The following ZMAT3 variants were observed in gnomAD, a reference collection of about 807,000 sequenced individuals.
ZMAT3 encodes the protein zinc finger matrin-type protein 3.
Under a neutral mutation model 32.3 loss-of-function variants are expected in ZMAT3, and 17 were observed. The ratio of observed to expected loss-of-function variants is 0.53; its 90% CI spans 0.36 to 0.79. The LOEUF (loss-of-function observed/expected upper bound fraction) is 0.79. Among genes scored for constraint, ZMAT3 ranks in the 30% least tolerant of loss-of-function variants. The pLI is 0.00. For missense variants in ZMAT3, 329 were observed against 359.7 expected, an observed-to-expected ratio of 0.91 and a Z score of 0.69; for synonymous variants, 120 against 133.1, an observed-to-expected ratio of 0.90 and a Z score of 0.68.
rs1024153445 is a variant in ZMAT3 at position 179,046,245 on chromosome 3, G to T, written c.271-15246C>A. ...AGAGGTACCCAGTACTAGTGGAGGG[G>T]TCAAGGTTAGATAGTATCAGGTATT... On this transcript the variant is annotated intron_variant, in intron 2 of 5. Transcript: ENST00000311417. The surrounding 1 kb of genome is among the most constrained non-coding windows in gnomAD (Gnocchi z 4.3). Among the ~76,000 whole-genome samples the T allele has an allele frequency of 1.3e-5, 2 of 152,190 alleles. No homozygotes were observed. Among genetic ancestry groups the T allele is most frequent in the Admixed American group, 1.3e-4 (2 of 15,286 alleles).
chr3:179,063,632 G>C (rs768313733), intron 2 of ZMAT3, among the ~76,000 whole-genome samples: 1 of 152,112 alleles, frequency 6.6e-6, no homozygotes, highest in Non-Finnish European at 1.5e-5. Context: ...CTTTATTTCT[G>C]TTAATAACCT....
At position 179,019,043 on chromosome 3, in the gene ZMAT3, C is replaced by A. The variant is rs919158009; in HGVS notation, c.*5974G>T. The stretch of plus-strand genomic sequence containing the variant: ...CAGCAACAGATTGAAATGAGGTATT[C>A]GCTGATTTCATAAACCCCAATCAGT... On this transcript the variant is annotated 3_prime_UTR_variant, in exon 6 of 6. Coordinates refer to ENST00000311417, the MANE Select transcript of ZMAT3 (RefSeq NM_022470.4). 2.0e-5 allele frequency: 3 copies of A among 152,092 alleles called. No homozygotes were observed. The East Asian group carries it at 5.8e-4, about 29-fold the overall frequency. 9.4% of individuals were successfully genotyped at this position (152,092 alleles called of 1,614,324 possible). A position where few individuals can be genotyped will look rare whatever the true frequency, so the allele number is the denominator to read the frequency against.
At chr3:179,038,611 G>T (rs1330648336) in intron 2 of ZMAT3, among the ~76,000 whole-genome samples, 4 of 152,102 alleles carry the variant, frequency 2.6e-5, no homozygotes, top group African/African-American at 9.7e-5. Context: ...GGCCAAATAG[G>T]AACAGCTCTG....
At position 179,057,867 on chromosome 3, in the gene ZMAT3, G is replaced by A. The variant is rs189090155; in HGVS notation, c.270+9616C>T. Among the ~76,000 whole-genome samples the A allele has an allele frequency of 7.2e-5, 11 of 152,250 alleles. No individual in the cohort carries two copies. In the East Asian group the frequency reaches 1.9e-3, roughly 27 times the overall value. On this transcript the variant is annotated intron_variant, in intron 2 of 5. Coordinates refer to ENST00000311417, the MANE Select transcript of ZMAT3 (RefSeq NM_022470.4). ...TCTATACACTAATTAAGGAAACTCA[G>A]AAAGCCAATACCCATTTAGTAAGAT...
intron 2 of ZMAT3, among the ~76,000 whole-genome samples, chr3:179,036,737 G>A (rs977297736): frequency 1.3e-5 from 2 of 152,104 alleles, no homozygotes; most frequent in Non-Finnish European, 2.9e-5. Context: ...GCAATGTGTG[G>A]CTTAGTGACA....
chr3:179,059,683 C>T (rs142122180), intron 2 of ZMAT3, among the ~76,000 whole-genome samples: 241 of 152,262 alleles, frequency 1.6e-3, no homozygotes, highest in African/African-American at 4.9e-3. Flanking sequence ...GCCCATTCTC[C>T]GATGTTAATG....
upstream of ZMAT3, chr3:179,072,211 T>C (rs1256457176): frequency 2.0e-5 from 3 of 152,394 alleles, no homozygotes; most frequent in Non-Finnish European, 4.4e-5. Flanking sequence ...GGCGGCTGAG[T>C]GGATCCTTTA....
chr3:179,046,040 G>A lies in ZMAT3; in HGVS notation c.271-15041C>T, dbSNP rs560608731. 1.3e-5 allele frequency among the ~76,000 whole-genome samples: 2 copies of A among 152,188 alleles called. No homozygotes were observed. The highest frequency in any genetic ancestry group is 2.9e-5 in the Non-Finnish European group (2 of 68,032). On this transcript the variant is annotated intron_variant, in intron 2 of 5. Coordinates refer to ENST00000311417, the MANE Select transcript of ZMAT3 (RefSeq NM_022470.4). The surrounding 1 kb of genome is among the most constrained non-coding windows in gnomAD (Gnocchi z 4.3). Reference sequence around the variant, plus strand: ...AGGCAACTATGCAGAAGAGCTCTATGACAGGGAGCAGAGAAATCCGGCATG... The same window carrying A: ...AGGCAACTATGCAGAAGAGCTCTATAACAGGGAGCAGAGAAATCCGGCATG...
intron 2 of ZMAT3, 86 bp downstream of exon 2, chr3:179,067,397 G>T: frequency 7.1e-7 from 1 of 1,410,792 alleles, no homozygotes; most frequent in South Asian, 1.3e-5. Flanking sequence ...TCCAGGCACA[G>T]TCATATCTGG....
At chr3:179,031,944 TCC>T (rs1560085593) in intron 2 of ZMAT3, among the ~76,000 whole-genome samples, 3 of 892 alleles carry the variant, frequency 3.4e-3, no homozygotes, top group African/African-American at 9.2e-3. Flanking sequence ...TCCCTCCCCC[TCC>T]CCCTCCCCCT....
chr3:179,040,628 A>G (rs1391372425), intron 2 of ZMAT3, among the ~76,000 whole-genome samples: 2 of 152,206 alleles, frequency 1.3e-5, no homozygotes, highest in African/African-American at 2.4e-5. Flanking sequence ...AAAAACTGCC[A>G]AATTATAAAG....
At chr3:179,053,418 AT>A (rs1421303426) in intron 2 of ZMAT3, among the ~76,000 whole-genome samples, 10 of 152,162 alleles carry the variant, frequency 6.6e-5, no homozygotes, top group Non-Finnish European at 1.3e-4. Context: ...CTTAGAAGAA[AT>A]GATTAAAACA....
chr3:179,046,289 C>A lies in ZMAT3; in HGVS notation c.271-15290G>T, dbSNP rs1367873513. On this transcript the variant is annotated intron_variant, in intron 2 of 5. Coordinates refer to ENST00000311417, the MANE Select transcript of ZMAT3 (RefSeq NM_022470.4). The surrounding 1 kb of genome is among the most constrained non-coding windows in gnomAD (Gnocchi z 4.3). ...AGGTATTTTATTTCCAAAGCAGCAT[C>A]CCCAGTAGTATTCAAGCAGATATTG... is the stretch of plus-strand genomic sequence containing the variant. Among the ~76,000 whole-genome samples, 2 of 152,130 alleles carry A rather than the reference C, an allele frequency of 1.3e-5. No homozygotes were observed. Among genetic ancestry groups the A allele is most frequent in the East Asian group, 3.8e-4 (2 of 5,202 alleles).
rs2108536589 is a variant in ZMAT3 at position 179,027,748 on chromosome 3, C to G, written c.455G>C (p.Cys152Ser). The G allele has an allele frequency of 6.2e-7, 1 of 1,614,126 alleles. No individual in the cohort carries two copies. The highest frequency in any genetic ancestry group is 8.5e-7 in the Non-Finnish European group (1 of 1,180,032). The change falls in exon 4 of 6, where the codon TGT (cysteine) becomes TCT (serine). Residue 152 changes from cysteine (C) to serine (S), a missense_variant. Cys to Ser is a moderately radical substitution (Grantham distance 112). Transcript: ENST00000311417. The part of the protein sequence containing the change: ...LATENDYCKL[C>S]DASFSSPAVA... ...AGCTGGGGAACTGAAGGAGGCATCA[C>G]AGAGCTTACAGTAATCATTCTCCGT...
chr3:179,051,302 A>G (rs1720543994), intron 2 of ZMAT3, among the ~76,000 whole-genome samples: 1 of 152,248 alleles, frequency 6.6e-6, no homozygotes, highest in Non-Finnish European at 1.5e-5. Flanking sequence ...TTAGGATACA[A>G]AATTAATATA....
chr3:179,060,125 C>A (rs1325360151), intron 2 of ZMAT3, among the ~76,000 whole-genome samples: 3 of 151,924 alleles, frequency 2.0e-5, no homozygotes, highest in Admixed American at 6.6e-5. Context: ...TGTTTTCACT[C>A]TATTTCACTC....
chr3:179,067,495 C>T lies in ZMAT3; in HGVS notation c.258G>A (p.Gln86=), dbSNP rs377585101. The part of the protein sequence containing the change: ...NVTLNSAQQA[Q]AHYQGKNHGK... ...TTTCTCCCTTTACCTGATAATGAGCCTGGGCTTGCTGTGCAGAGTTCAAGG... is the reference window on the plus strand; with the variant it reads ...TTTCTCCCTTTACCTGATAATGAGCTTGGGCTTGCTGTGCAGAGTTCAAGG... Residue 86 remains glutamine (Q), a synonymous_variant, in exon 2 of 6, where the codon CAG becomes CAA. Coordinates refer to ENST00000311417, the MANE Select transcript of ZMAT3 (RefSeq NM_022470.4). The T allele has an allele frequency of 2.7e-5, 44 of 1,613,984 alleles. 1 individual carries two copies. The Middle Eastern group carries it at 6.6e-4, about 24-fold the overall frequency.
intron 2 of ZMAT3, among the ~76,000 whole-genome samples, chr3:179,040,440 A>G (rs1006601694): frequency 5.3e-5 from 8 of 152,224 alleles, no homozygotes; most frequent in African/African-American, 1.9e-4. Flanking sequence ...ACTTCCTTAA[A>G]GAAAAGAATT....
intron 2 of ZMAT3, among the ~76,000 whole-genome samples, chr3:179,056,629 T>C (rs1720861332): frequency 6.6e-6 from 1 of 152,152 alleles, no homozygotes; most frequent in Non-Finnish European, 1.5e-5. Flanking sequence ...CGCCAGCCCA[T>C]GCCATCACCC....
Sources: allele counts gnomAD v4.1 joint callset (sites outside exome capture counted in the v4.1 genomes callset), GRCh38; gene constraint gnomAD v4.1.1; non-coding constraint Gnocchi (gnomAD v3.1); transcripts MANE v1.5; gene names NCBI Gene and HGNC (gene_info 2026-07-23, HGNC 2026-07-21).